KCTD1: variants seen among roughly 807,000 people sequenced by gnomAD.
The protein encoded by KCTD1 is potassium channel tetramerization domain containing 1.
In KCTD1, 24 loss-of-function variants were observed where a neutral mutation model predicts 66.0. That is an observed-to-expected ratio of 0.36 (90% CI 0.26 to 0.51). The LOEUF (loss-of-function observed/expected upper bound fraction) is 0.51. KCTD1 is among the 20% of genes least tolerant of loss of function. The pLI, the probability that KCTD1 is intolerant of heterozygous loss-of-function variation, is 0.95. For synonymous variants in KCTD1, 511 were observed against 517.2 expected (o/e 0.99, Z 0.16); for missense variants, 943 against 1,205.2 (o/e 0.78, Z 3.22).
At chr18:26,458,392 G>A (rs1459647459) in intron 4 of KCTD1, 1 of 152,144 alleles carries the variant, frequency 6.6e-6, no homozygotes. Context: ...ACTAAATACT[G>A]AACAAAGTCA....
intron 2 of KCTD1, among the ~76,000 whole-genome samples, chr18:26,490,759 CT>C (rs367683389): frequency 1.2e-4 from 18 of 147,950 alleles, no homozygotes; most frequent in Non-Finnish European, 1.8e-4. Flanking sequence ...GTTTAGAGGG[CT>C]TTTTTTTTTA....
At chr18:26,501,394 TA>T (rs1982755345) in intron 1 of KCTD1, 144 bp from the exon 2 acceptor site, 1 of 670,492 alleles carries the variant, frequency 1.5e-6, no homozygotes, top group African/African-American at 1.8e-5. Flanking sequence ...TTGCTTTTGT[TA>T]TAATGAATAT....
chr18:26,497,099 G>A (rs1000542835), intron 2 of KCTD1, among the ~76,000 whole-genome samples: 4 of 152,044 alleles, frequency 2.6e-5, no homozygotes, highest in African/African-American at 9.7e-5. Flanking sequence ...TAGCCAAGAG[G>A]GTAGGTTAAG....
chr18:26,599,050 C>T (rs533794360), intron 1 of KCTD1, among the ~76,000 whole-genome samples: 2 of 152,268 alleles, frequency 1.3e-5, no homozygotes, highest in East Asian at 3.9e-4. Flanking sequence ...TTTGGTATCA[C>T]ATCTAAGATA....
At chr18:26,620,957 C>A (rs1004812943) in intron 1 of KCTD1, among the ~76,000 whole-genome samples, 1 of 151,924 alleles carries the variant, frequency 6.6e-6, no homozygotes, top group Non-Finnish European at 1.5e-5. Flanking sequence ...CTCAGCCTCC[C>A]GAGTAGCTGG....
intron 1 of KCTD1, among the ~76,000 whole-genome samples, chr18:26,528,137 G>A (rs1200022786): frequency 6.6e-6 from 1 of 152,140 alleles, no homozygotes; most frequent in Admixed American, 6.6e-5. Flanking sequence ...TATTTTATTA[G>A]CTTTTCTTTC....
At chr18:26,536,071 A>G (rs1984695453) in intron 1 of KCTD1, among the ~76,000 whole-genome samples, 1 of 152,026 alleles carries the variant, frequency 6.6e-6, no homozygotes, top group African/African-American at 2.4e-5. Flanking sequence ...CTTGGAATGA[A>G]ATCACATACA....
intron 3 of KCTD1, among the ~76,000 whole-genome samples, chr18:26,464,166 G>T (rs58973481): frequency 0.17 from 25,153 of 152,196 alleles, 2,327 homozygotes; most frequent in African/African-American, 0.21. Flanking sequence ...AGTTCTTCAG[G>T]TCAGAAGTCG....
At chr18:26,614,877 T>C (rs1400509406) in intron 1 of KCTD1, among the ~76,000 whole-genome samples, 7 of 152,236 alleles carry the variant, frequency 4.6e-5, no homozygotes, top group African/African-American at 1.7e-4. Flanking sequence ...ACCGTGAAAG[T>C]GTGGCACAAG....
intron 1 of KCTD1, among the ~76,000 whole-genome samples, chr18:26,558,624 A>G (rs1465487795): frequency 1.3e-5 from 2 of 152,204 alleles, no homozygotes; most frequent in African/African-American, 4.8e-5. Flanking sequence ...CTATTCAGCC[A>G]TAAAAAAGAA....
rs772830803 is a variant in KCTD1, at chr18:26,547,752, G to A, written c.785C>T (p.Thr262Met). The change falls in exon 1 of 5, where the codon ACG becomes ATG. Residue 262 changes from threonine to methionine, a missense_variant. By Grantham distance (81) the Thr-to-Met change is moderately conservative (BLOSUM62 -1). Transcript: ENST00000580059. The part of the protein sequence containing the change: ...KDPELRSANL[T>M]LAAVIRKLEE... Reference sequence around the variant, plus strand: ...GAGCTTGCGGATGACCGCGGCCAGCGTCAGGTTGGCGCTGCGCAGCTCGGG... The same window carrying A: ...GAGCTTGCGGATGACCGCGGCCAGCATCAGGTTGGCGCTGCGCAGCTCGGG... The A allele has an allele frequency of 2.6e-6, 4 of 1,544,404 alleles. No individual in the cohort carries two copies. The highest frequency in any genetic ancestry group is 3.5e-6 in the Non-Finnish European group (4 of 1,146,670).
chr18:26,551,534 G>T (rs1261756332), upstream of KCTD1, among the ~76,000 whole-genome samples: 1 of 152,120 alleles, frequency 6.6e-6, no homozygotes. Context: ...TGATCTGCCC[G>T]TAGGATACTT....
chr18:26,586,586 C>A (rs1429113164), intron 1 of KCTD1, among the ~76,000 whole-genome samples: 1 of 152,178 alleles, frequency 6.6e-6, no homozygotes, highest in Non-Finnish European at 1.5e-5. Flanking sequence ...GATGGTCGAA[C>A]TAGGTAGAAA....
In KCTD1 at chr18:26,455,188, C is replaced by T. The variant is rs1979986726; in HGVS notation, c.*555G>A. Reference sequence around the variant, plus strand: ...ACTACATTTAAAATTTCATGTCTAACATCTTTGCAATGTGCTCATGAGGGT... The same window carrying T: ...ACTACATTTAAAATTTCATGTCTAATATCTTTGCAATGTGCTCATGAGGGT... On this transcript the variant is annotated 3_prime_UTR_variant, in exon 5 of 5. Transcript: ENST00000580059. 6.6e-6 allele frequency: 1 copy of T among 152,632 alleles called. No individual in the cohort carries two copies. The allele number at this position is 152,632 out of a possible 1,614,324, so 9.5% of individuals were successfully genotyped here.
At chr18:26,527,900 G>T (rs113819682) in intron 1 of KCTD1, among the ~76,000 whole-genome samples, 1,841 of 152,182 alleles carry the variant, frequency 0.012, 44 homozygotes, top group African/African-American at 0.042. Context: ...GAAAAAGCCA[G>T]CAAATAGTAG....
chr18:26,541,527 G>GT (rs1984973899), intron 1 of KCTD1, among the ~76,000 whole-genome samples: 1 of 152,228 alleles, frequency 6.6e-6, no homozygotes, highest in Admixed American at 6.5e-5. Flanking sequence ...GCTGTCATAT[G>GT]TAAGTGGATC....
chr18:26,486,810 A>G (rs1178127683), intron 2 of KCTD1, among the ~76,000 whole-genome samples: 2 of 152,234 alleles, frequency 1.3e-5, no homozygotes, highest in African/African-American at 2.4e-5. Context: ...CTATGAGAGG[A>G]GTATGGCCAA....
chr18:26,511,547 G>C (rs968146545), intron 1 of KCTD1, among the ~76,000 whole-genome samples: 1 of 152,224 alleles, frequency 6.6e-6, no homozygotes, highest in Admixed American at 6.5e-5. Context: ...ATGAAACAGC[G>C]TCTAACATGT....
chr18:26,630,758 A>G (rs1245731456), upstream of KCTD1, among the ~76,000 whole-genome samples: 1 of 152,230 alleles, frequency 6.6e-6, no homozygotes, highest in Non-Finnish European at 1.5e-5. Flanking sequence ...GAGCTGCACT[A>G]GCCACTTTTT....
Sources: allele counts gnomAD v4.1 joint callset (sites outside exome capture counted in the v4.1 genomes callset), GRCh38; gene constraint gnomAD v4.1.1; transcripts MANE v1.5; gene names NCBI Gene and HGNC (gene_info 2026-07-23, HGNC 2026-07-21).